Variants in ELAPOR2 observed in about 807,000 individuals in gnomAD.
ELAPOR2 encodes endosome-lysosome associated apoptosis and autophagy regulator family member 2, also known as endosome/lysosome-associated apoptosis and autophagy regulator family member 2.
ELAPOR2 carries 89 observed loss-of-function variants against 120.7 expected under a neutral mutation model. That is an observed-to-expected ratio of 0.74 (90% confidence interval 0.62 to 0.88). The LOEUF (loss-of-function observed/expected upper bound fraction) is 0.88, where lower values mean the gene tolerates loss of function less well. ELAPOR2 is among the 40% of genes least tolerant of loss of function. ELAPOR2 has a pLI of 0.00. For missense variants in ELAPOR2, 1,134 were observed against 1,251.6 expected, an observed-to-expected ratio of 0.91 and a Z score of 1.42; for synonymous variants, 444 against 444.9, an observed-to-expected ratio of 1.00 and a Z score of 0.03.
At chr7:87,002,080 TG>T (rs1793335489) in intron 1 of ELAPOR2, among the ~76,000 whole-genome samples, 1 of 152,140 alleles carries the variant, frequency 6.6e-6, no homozygotes, top group Admixed American at 6.5e-5. Context: ...GTATTACCAA[TG>T]GTATGTCAAG....
chr7:86,940,043 T>C lies in ELAPOR2; in HGVS notation c.814A>G (p.Lys272Glu). Residue 272 changes from lysine (K) to glutamate (E), a missense_variant, in exon 6 of 22, where the codon AAG becomes GAG. Lys to Glu is a moderately conservative substitution (Grantham distance 56). Around this residue, in one of 3 missense-constraint regions of ELAPOR2, gnomAD observed 23 missense variants for 52.4 expected, o/e 0.44. Coordinates refer to ENST00000450689, the MANE Select transcript of ELAPOR2 (RefSeq NM_001142749.3). ...TGILMGSKAV[K>E]PVLVKNITIE... is the part of the protein sequence containing the mutation. The stretch of plus-strand genomic sequence containing the variant: ...GTGATATTTTTTACCAGCACAGGCT[T>C]GACCGCCTTAGAACCCATAAGGATG... 3 of 1,611,342 alleles carry C rather than the reference T, an allele frequency of 1.9e-6. No homozygotes were observed. The highest frequency in any genetic ancestry group is 2.5e-6 in the Non-Finnish European group (3 of 1,178,252).
chr7:87,049,828 A>G (rs1436682931), intron 1 of ELAPOR2, among the ~76,000 whole-genome samples: 2 of 152,216 alleles, frequency 1.3e-5, no homozygotes, highest in African/African-American at 4.8e-5. Context: ...GAAGGTTGAT[A>G]TGTTAGAAAC....
intron 1 of ELAPOR2, among the ~76,000 whole-genome samples, chr7:87,051,179 A>G (rs1795089277): frequency 6.6e-6 from 1 of 152,212 alleles, no homozygotes; most frequent in East Asian, 1.9e-4. Flanking sequence ...CAGGAGGGCC[A>G]AGAATAAATC....
At chr7:86,931,680 T>C (rs1215743067) in intron 8 of ELAPOR2, among the ~76,000 whole-genome samples, 2 of 151,918 alleles carry the variant, frequency 1.3e-5, no homozygotes, top group African/African-American at 4.8e-5. Flanking sequence ...AGATTTTTTT[T>C]TTAATGAGTA....
At chr7:86,903,444 G>A (rs776570783) in intron 18 of ELAPOR2, among the ~76,000 whole-genome samples, 4 of 152,014 alleles carry the variant, frequency 2.6e-5, no homozygotes, top group Admixed American at 2.6e-4. Context: ...TCTATAAATT[G>A]TTCTAGGGAA....
chr7:87,049,854 G>A (rs966202600), intron 1 of ELAPOR2, among the ~76,000 whole-genome samples: 4 of 152,216 alleles, frequency 2.6e-5, no homozygotes, highest in Non-Finnish European at 5.9e-5. Flanking sequence ...CCCAAATGTG[G>A]TGATGTTGGG....
At chr7:86,966,656 C>T (rs993964893) in intron 1 of ELAPOR2, among the ~76,000 whole-genome samples, 3 of 152,126 alleles carry the variant, frequency 2.0e-5, no homozygotes, top group South Asian at 2.1e-4. Flanking sequence ...CCATAACAGC[C>T]GTAATAAATT....
chr7:86,957,037 C>T (rs189942184), intron 2 of ELAPOR2, among the ~76,000 whole-genome samples: 26 of 152,228 alleles, frequency 1.7e-4, no homozygotes, highest in Non-Finnish European at 3.2e-4. Context: ...TCATAAAACA[C>T]TTTTTTCAGA....
chr7:86,914,592 C>T, intron 13 of ELAPOR2, 131 bp downstream of exon 13: 1 of 639,114 alleles, frequency 1.6e-6, no homozygotes, highest in Non-Finnish European at 2.5e-6. Flanking sequence ...AATCTATAAC[C>T]AGATTATTCA....
intron 4 of ELAPOR2, 67 bp downstream of exon 4, chr7:86,944,832 A>G: frequency 3.7e-6 from 5 of 1,350,574 alleles, no homozygotes; most frequent in Non-Finnish European, 4.9e-6. Context: ...GAATGGGAAC[A>G]ACTGACTAAG....
intron 18 of ELAPOR2, among the ~76,000 whole-genome samples, chr7:86,904,409 A>G (rs1447699431): frequency 6.6e-6 from 1 of 152,176 alleles, no homozygotes; most frequent in African/African-American, 2.4e-5. Context: ...ATTTAGGGGC[A>G]TCTATTAATA....
At chr7:86,940,922 T>C (rs1790773312) in intron 5 of ELAPOR2, among the ~76,000 whole-genome samples, 1 of 152,090 alleles carries the variant, frequency 6.6e-6, no homozygotes, top group Non-Finnish European at 1.5e-5. Flanking sequence ...GTAAAAAAAG[T>C]ATATTTATTT....
intron 1 of ELAPOR2, among the ~76,000 whole-genome samples, chr7:87,047,210 G>A (rs1227402985): frequency 2.0e-5 from 3 of 152,172 alleles, no homozygotes; most frequent in Non-Finnish European, 4.4e-5. Context: ...AACTTAAATC[G>A]AAGACTTCAA....
chr7:86,960,532 T>G (rs1425061692), intron 2 of ELAPOR2, among the ~76,000 whole-genome samples: 1 of 152,160 alleles, frequency 6.6e-6, no homozygotes, highest in Non-Finnish European at 1.5e-5. Flanking sequence ...ATTACAGGTG[T>G]GAGCCACCAC....
At chr7:87,020,184 T>C (rs1403675696) in intron 1 of ELAPOR2, among the ~76,000 whole-genome samples, 2 of 152,144 alleles carry the variant, frequency 1.3e-5, no homozygotes, top group African/African-American at 4.8e-5. Flanking sequence ...CACATATGTA[T>C]ATGTGTGCAT....
At chr7:86,972,895 A>C (rs1264257701) in intron 1 of ELAPOR2, among the ~76,000 whole-genome samples, 1 of 152,152 alleles carries the variant, frequency 6.6e-6, no homozygotes, top group East Asian at 1.9e-4. Context: ...CTTTATCCAT[A>C]ATATGATCAT....
At chr7:86,999,182 G>A (rs1249926879) in intron 1 of ELAPOR2, among the ~76,000 whole-genome samples, 1 of 151,848 alleles carries the variant, frequency 6.6e-6, no homozygotes, top group African/African-American at 2.4e-5. Flanking sequence ...ATAAATCCCC[G>A]TGCTTTCCTT....
chr7:86,925,933 T>C (rs1790047218), intron 9 of ELAPOR2, among the ~76,000 whole-genome samples: 1 of 152,022 alleles, frequency 6.6e-6, no homozygotes, highest in South Asian at 2.1e-4. Flanking sequence ...TTCCTTCACA[T>C]CTGGGAGTAG....
At chr7:86,992,642 G>A (rs1418886835) in intron 1 of ELAPOR2, among the ~76,000 whole-genome samples, 3 of 152,008 alleles carry the variant, frequency 2.0e-5, no homozygotes, top group African/African-American at 7.3e-5. Context: ...ACATTCATAT[G>A]AAAAAAATAG....
Sources: gnomAD v4.1 joint callset for allele counts (sites outside exome capture counted in the v4.1 genomes callset) on GRCh38, gnomAD v4.1.1 for gene constraint, gnomAD v4.1.1 regional missense constraint, MANE v1.5 for transcripts, NCBI Gene and HGNC (gene_info 2026-07-23, HGNC 2026-07-21) for gene names.